Variants in NTRK1 observed in about 807,000 individuals in gnomAD.
NTRK1 encodes the protein high affinity nerve growth factor receptor.
In NTRK1, 62 loss-of-function variants were observed where a neutral mutation model predicts 86.8. The ratio of observed to expected loss-of-function variants is 0.71; its 90% CI spans 0.58 to 0.88. NTRK1 has a LOEUF of 0.88. Ranked by LOEUF, NTRK1 falls within the 40% of genes least tolerant of loss-of-function variation. The pLI is 0.00. For synonymous variants in NTRK1, 469 were observed against 456.6 expected, an observed-to-expected ratio of 1.03 and a Z score of -0.35; for missense variants, 967 against 1,078.4, an observed-to-expected ratio of 0.90 and a Z score of 1.45.
chr1:156,880,497 A>G, intron 16 of NTRK1: 1 of 325,656 alleles, frequency 3.1e-6, no homozygotes, highest in South Asian at 3.6e-5. Context: ...GGGAAGAGGA[A>G]CCCAGCACAA....
intron 1 of NTRK1, among the ~76,000 whole-genome samples, chr1:156,817,143 C>T (rs1654022311): frequency 6.6e-6 from 1 of 151,616 alleles, no homozygotes; most frequent in Non-Finnish European, 1.5e-5. Flanking sequence ...CTGTTCTGAG[C>T]AGTGGGAATG....
At chr1:156,878,191 T>C (rs1263151294) in intron 14 of NTRK1, among the ~76,000 whole-genome samples, 2 of 152,200 alleles carry the variant, frequency 1.3e-5, no homozygotes, top group African/African-American at 4.8e-5. Context: ...GCCTTTGTAC[T>C]TCCAGTTCCC....
At chr1:156,827,470 A>G (rs138249426) in intron 1 of NTRK1, among the ~76,000 whole-genome samples, 4,085 of 152,046 alleles carry the variant, frequency 0.027, 68 homozygotes, top group African/African-American at 0.039. Context: ...CCATGTTGGC[A>G]AGCCTAGTCT....
rs1647778710 is a variant in NTRK1, at chr1:156,874,600, G to A, written c.1225G>A (p.Glu409Lys). The A allele has an allele frequency of 6.2e-7, 1 of 1,614,132 alleles. No homozygotes were observed. ...TAACAGCACATCTGGAGACCCGGTG[G>A]AGAAGAAGGACGAAACACCTTTTGG... ...DTNSTSGDPV[E>K]KKDETPFGVS... Residue 409 changes from glutamate to lysine, a missense_variant, in exon 10 of 17, where the codon GAG becomes AAG. Physicochemically the swap from Glu to Lys is moderately conservative, Grantham distance 56. Transcript: ENST00000524377.
intron 1 of NTRK1, chr1:156,841,042 A>G (rs764792285): frequency 5.0e-6 from 8 of 1,597,506 alleles, no homozygotes; most frequent in Non-Finnish European, 6.8e-6. Context: ...GCTGTCCAGA[A>G]TGTGTGTGAA....
intron 1 of NTRK1, chr1:156,837,828 A>C (rs1315301531): frequency 1.3e-5 from 2 of 151,726 alleles, no homozygotes; most frequent in Non-Finnish European, 1.5e-5. Context: ...CAAAGTGTCT[A>C]CTCCAGGACT....
intron 1 of NTRK1, among the ~76,000 whole-genome samples, chr1:156,828,214 T>C (rs1403029143): frequency 4.6e-5 from 7 of 152,242 alleles, no homozygotes; most frequent in Non-Finnish European, 2.9e-5. Context: ...TAATATATTA[T>C]AGAAGGCTCA....
chr1:156,843,107 G>A, intron 2 of NTRK1: 1 of 1,614,168 alleles, frequency 6.2e-7, no homozygotes, highest in Non-Finnish European at 8.5e-7. Flanking sequence ...GGCCACGGGT[G>A]TGGACTCCTC....
intron 1 of NTRK1, among the ~76,000 whole-genome samples, chr1:156,819,798 C>T (rs1654134350): frequency 6.6e-6 from 1 of 152,150 alleles, no homozygotes; most frequent in Admixed American, 6.5e-5. Context: ...GGATTACAGG[C>T]ATGAGCCATC....
chr1:156,874,204 C>T (rs2102907867), intron 8 of NTRK1, 179 bp from the exon 9 acceptor site: 1 of 1,040,522 alleles, frequency 9.6e-7, no homozygotes, highest in Non-Finnish European at 1.5e-6. Context: ...GGCATCCTGG[C>T]CCAGCTGGAA....
At chr1:156,841,842 C>T (rs201156170) in intron 1 of NTRK1, 270 of 1,613,952 alleles carry the variant, frequency 1.7e-4, no homozygotes, top group Admixed American at 3.3e-4. Flanking sequence ...ATAAGAGCCA[C>T]GCACTAGCTC....
intron 8 of NTRK1, 80 bp from the exon 9 acceptor site, chr1:156,874,303 G>C (rs2102908384): frequency 6.3e-7 from 1 of 1,587,354 alleles, no homozygotes. Context: ...AGAGTAGGCA[G>C]GGGACTCACT....
chr1:156,866,324 G>A (rs1015730334), intron 3 of NTRK1, among the ~76,000 whole-genome samples: 2 of 152,244 alleles, frequency 1.3e-5, no homozygotes, highest in Non-Finnish European at 2.9e-5. Context: ...CCTGGAGCCG[G>A]GCCCCTGCTG....
chr1:156,852,266 C>A (rs1655243241), intron 2 of NTRK1: 3 of 1,424,808 alleles, frequency 2.1e-6, no homozygotes, highest in African/African-American at 1.4e-5. Flanking sequence ...CTGGCCCCAC[C>A]CTGTTTCTCT....
intron 1 of NTRK1, among the ~76,000 whole-genome samples, chr1:156,863,086 G>A (rs116533715): frequency 0.013 from 1,934 of 150,184 alleles, 33 homozygotes; most frequent in African/African-American, 0.043. Flanking sequence ...GGGTGGGGGG[G>A]GCACACTAAC....
intron 3 of NTRK1, among the ~76,000 whole-genome samples, chr1:156,866,000 G>C (rs1655912989): frequency 6.6e-6 from 1 of 152,234 alleles, no homozygotes; most frequent in African/African-American, 2.4e-5. Flanking sequence ...CAATCAACCT[G>C]GTGAGAGAGA....
chr1:156,866,776 T>A (rs1468526544), intron 3 of NTRK1, 134 bp from the exon 4 acceptor site: 1 of 596,296 alleles, frequency 1.7e-6, no homozygotes. Flanking sequence ...CTTCCAGGGC[T>A]GGTTCTGGTT....
rs1558108830 is a variant in NTRK1 at position 156,880,169 on chromosome 1, C to T, written c.2205+12C>T. 6.2e-7 allele frequency: 1 copy of T among 1,612,480 alleles called. No individual in the cohort carries two copies. The highest frequency in any genetic ancestry group is 1.1e-5 in the South Asian group (1 of 91,062). On this transcript the variant is annotated intron_variant, in intron 16 of 16. Coordinates refer to ENST00000524377, the MANE Select transcript of NTRK1 (RefSeq NM_002529.4). The stretch of plus-strand genomic sequence containing the variant: ...TCTCCAACACGGAGGTCAGCCCCGG[C>T]CCATGGTCACCCCTTGCTGGCCTCC...
intron 2 of NTRK1, chr1:156,845,056 T>C: frequency 6.3e-7 from 1 of 1,587,048 alleles, no homozygotes; most frequent in Non-Finnish European, 8.6e-7. Context: ...GGGTAGAAGG[T>C]GTGTGTGTGG....
Sources: allele counts gnomAD v4.1 joint callset (sites outside exome capture counted in the v4.1 genomes callset), GRCh38; gene constraint gnomAD v4.1.1; transcripts MANE v1.5; gene names NCBI Gene and HGNC (gene_info 2026-07-23, HGNC 2026-07-21).